Variants in THSD4 observed in about 807,000 individuals in gnomAD.
The protein encoded by THSD4 is thrombospondin type-1 domain-containing protein 4.
Under a neutral mutation model 119.0 loss-of-function variants are expected in THSD4, and 69 were observed. The observed-to-expected ratio is 0.58, with a 90% CI of 0.48 to 0.71. The LOEUF is 0.71. THSD4 is among the 30% of genes least tolerant of loss of function. The pLI is 0.00. For missense variants in THSD4, 1,393 were observed against 1,391.1 expected (o/e 1.00, Z -0.02); for synonymous variants, 524 against 540.4 (o/e 0.97, Z 0.42).
At position 71,782,633 on chromosome 15, in the gene THSD4, T is replaced by C. The variant is rs2054015265; in HGVS notation, c.*5259T>C. 1 of 152,252 alleles carries C rather than the reference T, an allele frequency of 6.6e-6. No individual in the cohort carries two copies. The highest frequency in any genetic ancestry group is 2.1e-4 in the South Asian group (1 of 4,836). 9.4% of individuals were successfully genotyped at this position (152,252 alleles called of 1,614,324 possible). The stretch of plus-strand genomic sequence containing the variant: ...CTAACCCAGCCTCCTGGAATGTCGC[T>C]GTACGATGATTGATGTCTTTTTCTC... On this transcript the variant is annotated 3_prime_UTR_variant, in exon 18 of 18. Transcript: ENST00000261862.
intron 7 of THSD4, among the ~76,000 whole-genome samples, chr15:71,475,224 A>G (rs948454227): frequency 6.6e-6 from 1 of 152,352 alleles, no homozygotes; most frequent in East Asian, 1.9e-4. Context: ...AGCCTGTCTC[A>G]TGAACCTTTG....
intron 7 of THSD4, among the ~76,000 whole-genome samples, chr15:71,611,799 T>C (rs1423808387): frequency 6.6e-6 from 1 of 152,218 alleles, no homozygotes; most frequent in South Asian, 2.1e-4. Flanking sequence ...GTGAAAGCCC[T>C]GAGTCAAGAA....
At position 71,757,990 on chromosome 15, in the gene THSD4, G is replaced by C; in HGVS notation, c.2504G>C (p.Gly835Ala). Residue 835 changes from glycine to alanine, a missense_variant, in exon 15 of 18, where the codon GGG (glycine) becomes GCG (alanine). Transcript: ENST00000261862. ...HVSSLPLEGCGNNRPAEATPC... is the reference protein window; with the variant it reads ...HVSSLPLEGCANNRPAEATPC... ...AGCAGCCTGCCCCTGGAGGGCTGTG[G>C]GAACAACCGGCCGGCAGAGGCCACC... 1 of 1,614,046 alleles carries C rather than the reference G, an allele frequency of 6.2e-7. No individual in the cohort carries two copies. The highest frequency in any genetic ancestry group is 8.5e-7 in the Non-Finnish European group (1 of 1,179,994).
chr15:71,320,590 A>T (rs999828555), intron 6 of THSD4, among the ~76,000 whole-genome samples: 2 of 152,200 alleles, frequency 1.3e-5, no homozygotes, highest in Admixed American at 6.5e-5. Context: ...AACACATAGA[A>T]AAAAAGATCC....
At chr15:71,379,350 G>A (rs1433257646) in intron 6 of THSD4, among the ~76,000 whole-genome samples, 1 of 150,578 alleles carries the variant, frequency 6.6e-6, no homozygotes, top group South Asian at 2.1e-4. Context: ...TATCTAACTT[G>A]TCCTTCGCCA....
chr15:71,378,551 G>A (rs1435884352), intron 6 of THSD4, among the ~76,000 whole-genome samples: 1 of 152,224 alleles, frequency 6.6e-6, no homozygotes, highest in Admixed American at 6.5e-5. Context: ...TGAGAACACA[G>A]GTAGGAAAAC....
At chr15:71,543,752 G>A (rs2048796031) in intron 7 of THSD4, among the ~76,000 whole-genome samples, 1 of 152,212 alleles carries the variant, frequency 6.6e-6, no homozygotes, top group Non-Finnish European at 1.5e-5. Flanking sequence ...TGTGGGCCGG[G>A]TGTGGTGGCT....
intron 7 of THSD4, among the ~76,000 whole-genome samples, chr15:71,533,095 A>C (rs1442396376): frequency 6.6e-6 from 1 of 152,224 alleles, no homozygotes; most frequent in Non-Finnish European, 1.5e-5. Flanking sequence ...CTGCAGTTTG[A>C]TAAAATAACC....
chr15:71,590,563 TG>T (rs2049776883), intron 7 of THSD4, among the ~76,000 whole-genome samples: 1 of 18,150 alleles, frequency 5.5e-5, no homozygotes, highest in Non-Finnish European at 1.2e-4. Flanking sequence ...AACGGGTGGG[TG>T]GGGGGAGGGA....
intron 15 of THSD4, among the ~76,000 whole-genome samples, chr15:71,761,111 T>A (rs760650550): frequency 2.6e-4 from 40 of 152,194 alleles, no homozygotes; most frequent in Non-Finnish European, 5.3e-4. Context: ...TCTTATTTTG[T>A]GTTTTCTATT....
At chr15:71,712,778 C>T (rs961730640) in intron 8 of THSD4, among the ~76,000 whole-genome samples, 1 of 152,122 alleles carries the variant, frequency 6.6e-6, no homozygotes, top group African/African-American at 2.4e-5. Flanking sequence ...CTGATACACA[C>T]AACATGGATT....
At chr15:71,368,982 C>T (rs1331675565) in intron 6 of THSD4, among the ~76,000 whole-genome samples, 7 of 152,096 alleles carry the variant, frequency 4.6e-5, no homozygotes, top group Non-Finnish European at 1.0e-4. Flanking sequence ...TTGTAGTTCT[C>T]CTTGAAGAGG....
At chr15:71,528,784 G>A (rs939695517) in intron 7 of THSD4, among the ~76,000 whole-genome samples, 2 of 152,186 alleles carry the variant, frequency 1.3e-5, no homozygotes, top group Non-Finnish European at 2.9e-5. Flanking sequence ...GATGAAGCAG[G>A]AGCAGAGGGG....
chr15:71,702,462 T>C (rs572509792), intron 8 of THSD4, among the ~76,000 whole-genome samples: 1 of 152,290 alleles, frequency 6.6e-6, no homozygotes, highest in East Asian at 1.9e-4. Context: ...GTTAATAAAT[T>C]GTATTAGATT....
rs61134274 is a variant in THSD4 at position 71,461,792 on chromosome 15, GT to G, written c.1152+49984del. 2.1e-3 allele frequency among the ~76,000 whole-genome samples: 307 copies of G among 144,354 alleles called. 1 individual carries two copies. Among genetic ancestry groups the G allele is most frequent in the Middle Eastern group, 0.014 (4 of 286 alleles). 94.7% of individuals were successfully genotyped at this position (144,354 alleles called of 152,430 possible). On this transcript the variant is annotated intron_variant, in intron 7 of 17. Coordinates refer to ENST00000261862, the MANE Select transcript of THSD4 (RefSeq NM_024817.3). ...GATGAAGACATATGGGCACTGTCAG[GT>G]TTTTTTTTTTTTTTCTTCTCTAGTG...
At chr15:71,152,347 G>A (rs1397705740) in intron 2 of THSD4, among the ~76,000 whole-genome samples, 4 of 151,774 alleles carry the variant, frequency 2.6e-5, no homozygotes, top group Non-Finnish European at 5.9e-5. Flanking sequence ...ACTTGAGCCC[G>A]GGAGGCAGAG....
intron 7 of THSD4, among the ~76,000 whole-genome samples, chr15:71,635,223 C>G (rs1461494105): frequency 6.6e-6 from 1 of 152,140 alleles, no homozygotes. Context: ...GGAGAAAAGC[C>G]AAGAGATCTT....
intron 17 of THSD4, among the ~76,000 whole-genome samples, chr15:71,772,074 A>G (rs1043508770): frequency 1.3e-5 from 2 of 152,232 alleles, no homozygotes; most frequent in Non-Finnish European, 1.5e-5. Flanking sequence ...TGGTTCCAGA[A>G]TGGAGGTGCA....
intron 7 of THSD4, among the ~76,000 whole-genome samples, chr15:71,490,286 C>T (rs1050130281): frequency 6.6e-6 from 1 of 151,488 alleles, no homozygotes; most frequent in Non-Finnish European, 1.5e-5. Flanking sequence ...TTAGGCCGGG[C>T]GTGGTGGCTC....
Sources: gnomAD v4.1 joint callset for allele counts (sites outside exome capture counted in the v4.1 genomes callset) on GRCh38, gnomAD v4.1.1 for gene constraint, MANE v1.5 for transcripts, NCBI Gene and HGNC (gene_info 2026-07-23, HGNC 2026-07-21) for gene names.